NAV3: variants seen among roughly 807,000 people sequenced by gnomAD.
NAV3 encodes the protein pore membrane and/or filament interacting like protein 1.
Under a neutral mutation model 244.7 loss-of-function variants are expected in NAV3, and 87 were observed. That is an observed-to-expected ratio of 0.36 (90% confidence interval 0.30 to 0.42). NAV3 has a LOEUF of 0.42. NAV3 is among the 20% of genes least tolerant of loss of function. NAV3 has a pLI of 1.00. For missense variants in NAV3, 2,663 were observed against 2,893.3 expected, an observed-to-expected ratio of 0.92 and a Z score of 1.83; for synonymous variants, 1,126 against 1,042.2, an observed-to-expected ratio of 1.08 and a Z score of -1.55.
At position 77,905,693 on chromosome 12, in the gene NAV3, C is replaced by A. The variant is rs572484391; in HGVS notation, c.244-34626C>A. Among the ~76,000 whole-genome samples, 34 of 152,174 alleles carry A rather than the reference C, an allele frequency of 2.2e-4. No individual in the cohort carries two copies. In the East Asian group the frequency reaches 6.4e-3, roughly 29 times the overall value. Reference sequence around the variant, plus strand: ...TTTTTGGAGTAAATGACAATACAACCCACAATCCAGGAATAGTATGTTTAG... The same window carrying A: ...TTTTTGGAGTAAATGACAATACAACACACAATCCAGGAATAGTATGTTTAG... On this transcript the variant is annotated intron_variant, in intron 1 of 39. Transcript: ENST00000397909.
chr12:78,135,987 A>C (rs1197196115), intron 18 of NAV3, among the ~76,000 whole-genome samples: 1 of 152,130 alleles, frequency 6.6e-6, no homozygotes, highest in Non-Finnish European at 1.5e-5. Context: ...TCTGTGTGTT[A>C]ATTCGGTTAA....
chr12:78,119,345 A>T lies in NAV3; in HGVS notation c.3149A>T (p.Lys1050Ile). Residue 1050 changes from lysine to isoleucine, a missense_variant, in exon 15 of 40, where the codon AAA becomes ATA. Lys to Ile is a moderately radical substitution (Grantham distance 102, BLOSUM62 -3). Transcript: ENST00000397909. ...GGAAAAAGCAGTGGAGATGAAGGGA[A>T]AAAGCCCCCCTCAGGCATTGGAAGA... ...DAGKSSGDEG[K>I]KPPSGIGRST... The T allele has an allele frequency of 6.2e-7, 1 of 1,614,184 alleles. No homozygotes were observed. The highest frequency in any genetic ancestry group is 8.5e-7 in the Non-Finnish European group (1 of 1,180,038).
chr12:78,201,939 A>G (rs1382711269), intron 38 of NAV3, among the ~76,000 whole-genome samples: 1 of 151,980 alleles, frequency 6.6e-6, no homozygotes, highest in Non-Finnish European at 1.5e-5. Flanking sequence ...AGTATTTGGA[A>G]CTAAAATGAT....
upstream of NAV3, among the ~76,000 whole-genome samples, chr12:77,828,734 A>G (rs1283982680): frequency 6.6e-6 from 1 of 152,164 alleles, no homozygotes; most frequent in East Asian, 1.9e-4. Context: ...TACTAATACC[A>G]TCTTATATTT....
chr12:77,811,825 C>T (rs760345129), intron 2 of NAV3, among the ~76,000 whole-genome samples: 9 of 152,134 alleles, frequency 5.9e-5, no homozygotes, highest in Non-Finnish European at 1.0e-4. Context: ...GACAGCATAA[C>T]ACAAAACTAA....
chr12:78,056,659 G>A (rs532144969), intron 11 of NAV3, among the ~76,000 whole-genome samples: 1 of 151,320 alleles, frequency 6.6e-6, no homozygotes, highest in African/African-American at 2.4e-5. Flanking sequence ...AACCCAGGAA[G>A]CAGAGGTTGC....
At chr12:77,577,599 T>TA (rs1869152464) in intron 2 of NAV3, among the ~76,000 whole-genome samples, 1 of 152,182 alleles carries the variant, frequency 6.6e-6, no homozygotes, top group Non-Finnish European at 1.5e-5. Context: ...TATCTTCATA[T>TA]AAATGGATAA....
At chr12:77,623,751 G>C (rs948743852) in intron 2 of NAV3, among the ~76,000 whole-genome samples, 26 of 152,280 alleles carry the variant, frequency 1.7e-4, no homozygotes, top group African/African-American at 6.0e-4. Flanking sequence ...TTATCAGTAT[G>C]ATAAAGACGA....
At chr12:77,937,757 T>C (rs1889463469) in intron 1 of NAV3, among the ~76,000 whole-genome samples, 1 of 152,202 alleles carries the variant, frequency 6.6e-6, no homozygotes, top group Non-Finnish European at 1.5e-5. Flanking sequence ...GCCAGCCTTC[T>C]CAATTTTCTT....
At chr12:78,021,090 G>A (rs1201938271) in intron 8 of NAV3, among the ~76,000 whole-genome samples, 2 of 152,076 alleles carry the variant, frequency 1.3e-5, no homozygotes, top group African/African-American at 4.8e-5. Context: ...AATATCAAAA[G>A]TATTCAGGAC....
chr12:78,177,341 A>G, intron 27 of NAV3, 28 bp downstream of exon 27: 1 of 1,589,640 alleles, frequency 6.3e-7, no homozygotes, highest in Non-Finnish European at 8.5e-7. Flanking sequence ...CAAAATGCAG[A>G]CATATTTTTT....
intron 24 of NAV3, 132 bp downstream of exon 24, chr12:78,168,998 T>G (rs533888765): frequency 3.8e-4 from 214 of 562,772 alleles, no homozygotes; most frequent in Non-Finnish European, 5.7e-4. Context: ...AATAGTTGTA[T>G]TAATACATAC....
chr12:78,087,078 A>G (rs1170342889), intron 12 of NAV3, among the ~76,000 whole-genome samples: 2 of 151,986 alleles, frequency 1.3e-5, no homozygotes, highest in African/African-American at 4.8e-5. Context: ...AAGCATCACT[A>G]GGCATTTGTT....
At chr12:77,937,400 G>C (rs1226673232) in intron 1 of NAV3, among the ~76,000 whole-genome samples, 1 of 152,186 alleles carries the variant, frequency 6.6e-6, no homozygotes, top group African/African-American at 2.4e-5. Context: ...TAAGTCCCAG[G>C]ATGAATTTGG....
intron 2 of NAV3, among the ~76,000 whole-genome samples, chr12:77,814,488 A>T (rs1592706913): frequency 6.6e-6 from 1 of 152,308 alleles, no homozygotes; most frequent in East Asian, 1.9e-4. Context: ...AACAACAATA[A>T]GGAGAGGAGG....
At chr12:78,072,283 C>T (rs1360988295) in intron 12 of NAV3, among the ~76,000 whole-genome samples, 30 of 146,236 alleles carry the variant, frequency 2.1e-4, no homozygotes, top group Admixed American at 3.4e-4. Flanking sequence ...ATTGATAGAC[C>T]GCTAGCAAGA....
In NAV3 at chr12:78,088,104, G is replaced by T. The variant is rs1165626848; in HGVS notation, c.2637-28668G>T. 4.0e-5 allele frequency among the ~76,000 whole-genome samples: 6 copies of T among 150,338 alleles called. No homozygotes were observed. In the East Asian group the frequency reaches 1.2e-3, roughly 29 times the overall value. On this transcript the variant is annotated intron_variant, in intron 12 of 39. Coordinates refer to ENST00000397909, the MANE Select transcript of NAV3 (RefSeq NM_001024383.2). ...TGAATGACCTCATATAACTTATGAG[G>T]GTCATTCAATTTTATATACTTCTTA...
intron 22 of NAV3, among the ~76,000 whole-genome samples, chr12:78,154,830 A>G (rs1957237666): frequency 6.6e-6 from 1 of 152,044 alleles, no homozygotes; most frequent in Non-Finnish European, 1.5e-5. Context: ...TATAAGTTTA[A>G]TCAGTTTTAC....
At position 78,139,654 on chromosome 12, in the gene NAV3, C is replaced by A. The variant is rs1459907719; in HGVS notation, c.4631-628C>A. ...TATAAAGCAGAATGTCCAATGTTTA[C>A]AGTGATATTTTGAAATAGATAAAAG... On this transcript the variant is annotated intron_variant, in intron 19 of 39. Transcript: ENST00000397909. Among the ~76,000 whole-genome samples the A allele has an allele frequency of 2.0e-5, 3 of 151,884 alleles. No homozygotes were observed. In the East Asian group the frequency reaches 5.8e-4, roughly 29 times the overall value.
Sources: allele counts gnomAD v4.1 joint callset (sites outside exome capture counted in the v4.1 genomes callset), GRCh38; gene constraint gnomAD v4.1.1; transcripts MANE v1.5; gene names NCBI Gene and HGNC (gene_info 2026-07-23, HGNC 2026-07-21).